Variants in H4C6 observed in about 807,000 individuals in gnomAD.
H4C6 encodes the protein histone H4.
A neutral mutation model predicts 5.7 loss-of-function variants in H4C6; 8 were observed. That is an observed-to-expected ratio of 1.41 (90% CI 0.82 to 2.54). H4C6 has a LOEUF of 2.54. Among genes scored for constraint, H4C6 ranks in the 30% most tolerant of loss-of-function variants. The pLI is 0.00. For missense variants in H4C6, 230 were observed against 145.9 expected (o/e 1.58, Z -2.97); for synonymous variants, 124 against 57.0 (o/e 2.18, Z -5.30).
rs761061104 is a variant in H4C6 at position 26,240,509 on chromosome 6, G to A, written c.84G>A (p.Gln28=). ...RHRKVLRDNI[Q]GITKPAIRRL... ...GCAAAGTGCTGCGTGACAACATACA[G>A]GGCATCACGAAGCCCGCCATCCGTC... Residue 28 remains glutamine (Q), a synonymous_variant, in exon 1 of 1, where the codon CAG becomes CAA. Coordinates refer to ENST00000244537, the MANE Select transcript of H4C6 (RefSeq NM_003540.4). The A allele has an allele frequency of 1.2e-5, 19 of 1,613,816 alleles. No homozygotes were observed. Among genetic ancestry groups the A allele is most frequent in the Non-Finnish European group, 1.6e-5 (19 of 1,179,722 alleles).
chr6:26,240,668 A>G lies in H4C6; in HGVS notation c.243A>G (p.Thr81=), dbSNP rs1354128523. Residue 81 remains threonine (T), a synonymous_variant, in exon 1 of 1, where the codon ACA becomes ACG. Coordinates refer to ENST00000244537, the MANE Select transcript of H4C6 (RefSeq NM_003540.4). ...VTYTEHAKRK[T]VTAMDVVYAL... ...ACACGGAGCACGCCAAGCGTAAGAC[A>G]GTCACTGCAATGGATGTTGTCTACG... 5 of 1,612,402 alleles carry G rather than the reference A, an allele frequency of 3.1e-6. No individual in the cohort carries two copies. The highest frequency in any genetic ancestry group is 4.2e-6 in the Non-Finnish European group (5 of 1,178,910).
Position 26,240,566 on chromosome 6 carries a change from T to TTCGGG in H4C6, c.142_146dup (p.Leu50ArgfsTer19). ...CCCGACGCGGCGGCGTGAAACGCAT[T>TTCGGG]TCGGGCCTCATTTATGAGGAGACCC... is the stretch of plus-strand genomic sequence containing the variant. On this transcript the variant is annotated frameshift_variant, in exon 1 of 1. Transcript: ENST00000244537. LOFTEE classifies it high-confidence loss of function. The TTCGGG allele has an allele frequency of 1.2e-6, 2 of 1,614,218 alleles. No individual in the cohort carries two copies. The highest frequency in any genetic ancestry group is 1.7e-6 in the Non-Finnish European group (2 of 1,180,002).
At position 26,240,408 on chromosome 6, in the gene H4C6, T is replaced by A; in HGVS notation, c.-18T>A. 1 of 1,528,090 alleles carries A rather than the reference T, an allele frequency of 6.5e-7. No homozygotes were observed. The highest frequency in any genetic ancestry group is 1.3e-5 in the South Asian group (1 of 78,070). 94.7% of individuals were successfully genotyped at this position (1,528,090 alleles called of 1,614,324 possible). A position where few individuals can be genotyped will look rare whatever the true frequency, so the allele number is the denominator to read the frequency against. On this transcript the variant is annotated 5_prime_UTR_variant, in exon 1 of 1. Coordinates refer to ENST00000244537, the MANE Select transcript of H4C6 (RefSeq NM_003540.4). The stretch of plus-strand genomic sequence containing the variant: ...TAGCAAAGTTGCAAAAGTTAAGAGT[T>A]GTTGTTTGTCTTCGATCATGTCTGG...
rs780042600 is a variant in H4C6 at position 26,240,445 on chromosome 6, G to A, written c.20G>A (p.Gly7Asp). The A allele has an allele frequency of 3.2e-6, 5 of 1,577,604 alleles. No individual in the cohort carries two copies. The highest frequency in any genetic ancestry group is 1.2e-5 in the South Asian group (1 of 86,208). Residue 7 changes from glycine (G) to aspartate (D), a missense_variant, in exon 1 of 1, where the codon GGT (glycine) becomes GAT (aspartate). Physicochemically the swap from Gly to Asp is moderately conservative, Grantham distance 94. Coordinates refer to ENST00000244537, the MANE Select transcript of H4C6 (RefSeq NM_003540.4). ...TCGATCATGTCTGGTAGAGGCAAAGGTGGTAAAGGTTTAGGAAAGGGAGGC... is the reference window on the plus strand; with the variant it reads ...TCGATCATGTCTGGTAGAGGCAAAGATGGTAAAGGTTTAGGAAAGGGAGGC... The part of the protein sequence containing the change: MSGRGK[G>D]GKGLGKGGAK...
rs765799254 is a variant in H4C6 at position 26,240,397 on chromosome 6, A to C, written c.-29A>C. ...GCTTCAGTGTGTAGCAAAGTTGCAA[A>C]AGTTAAGAGTTGTTGTTTGTCTTCG... On this transcript the variant is annotated 5_prime_UTR_variant, in exon 1 of 1. Transcript: ENST00000244537. 2 of 1,499,616 alleles carry C rather than the reference A, an allele frequency of 1.3e-6. No individual in the cohort carries two copies. Among genetic ancestry groups the C allele is most frequent in the East Asian group, 4.6e-5 (2 of 43,716 alleles). 92.9% of individuals were successfully genotyped at this position (1,499,616 alleles called of 1,614,324 possible). A position where few individuals can be genotyped will look rare whatever the true frequency, so the allele number is the denominator to read the frequency against.
rs949275441 is a variant in H4C6, at chr6:26,240,738, G to A, written c.*1G>A. 15 of 1,554,084 alleles carry A rather than the reference G, an allele frequency of 9.7e-6. No homozygotes were observed. Among genetic ancestry groups the A allele is most frequent in the East Asian group, 2.3e-5 (1 of 44,042 alleles). ...CACTCTGTACGGCTTTGGTGGCTGAGCCTCACCCCGGCTTTTTATTTAACA... is the reference window on the plus strand; with the variant it reads ...CACTCTGTACGGCTTTGGTGGCTGAACCTCACCCCGGCTTTTTATTTAACA... On this transcript the variant is annotated 3_prime_UTR_variant, in exon 1 of 1. Coordinates refer to ENST00000244537, the MANE Select transcript of H4C6 (RefSeq NM_003540.4).
chr6:26,240,561 C>T lies in H4C6; in HGVS notation c.136C>T (p.Arg46Cys). The T allele has an allele frequency of 6.2e-7, 1 of 1,614,190 alleles. No homozygotes were observed. Among genetic ancestry groups the T allele is most frequent in the Non-Finnish European group, 8.5e-7 (1 of 1,179,982 alleles). The change falls in exon 1 of 1, where the codon CGC becomes TGC. Residue 46 changes from arginine to cysteine, a missense_variant. Transcript: ENST00000244537. ...RRLARRGGVK[R>C]ISGLIYEETR... ...CTTGGCCCGACGCGGCGGCGTGAAA[C>T]GCATTTCGGGCCTCATTTATGAGGA...
In H4C6 at chr6:26,240,458, A is replaced by T. The variant is rs749218557; in HGVS notation, c.33A>T (p.Leu11Phe). The change falls in exon 1 of 1, where the codon TTA becomes TTT. Residue 11 changes from leucine to phenylalanine, a missense_variant. Leu to Phe is a conservative substitution (Grantham distance 22). Transcript: ENST00000244537. ...GTAGAGGCAAAGGTGGTAAAGGTTTAGGAAAGGGAGGCGCCAAGCGCCATC... is the reference window on the plus strand; with the variant it reads ...GTAGAGGCAAAGGTGGTAAAGGTTTTGGAAAGGGAGGCGCCAAGCGCCATC... MSGRGKGGKG[L>F]GKGGAKRHRK... is the part of the protein sequence containing the mutation. 2 of 1,590,458 alleles carry T rather than the reference A, an allele frequency of 1.3e-6. No homozygotes were observed. Among genetic ancestry groups the T allele is most frequent in the Non-Finnish European group, 1.7e-6 (2 of 1,164,982 alleles).
chr6:26,240,403 A>G lies in H4C6; in HGVS notation c.-23A>G. On this transcript the variant is annotated 5_prime_UTR_variant, in exon 1 of 1. Coordinates refer to ENST00000244537, the MANE Select transcript of H4C6 (RefSeq NM_003540.4). ...GTGTGTAGCAAAGTTGCAAAAGTTA[A>G]GAGTTGTTGTTTGTCTTCGATCATG... 2.6e-6 allele frequency: 4 copies of G among 1,523,472 alleles called. No individual in the cohort carries two copies. The highest frequency in any genetic ancestry group is 2.6e-6 in the Non-Finnish European group (3 of 1,132,908). 94.4% of individuals were successfully genotyped at this position (1,523,472 alleles called of 1,614,324 possible). A position where few individuals can be genotyped will look rare whatever the true frequency, so the allele number is the denominator to read the frequency against.
rs762560157 is a variant in H4C6, at chr6:26,240,512, C to T, written c.87C>T (p.Gly29=). The T allele has an allele frequency of 1.7e-5, 28 of 1,613,700 alleles. No individual in the cohort carries two copies. Among genetic ancestry groups the T allele is most frequent in the Middle Eastern group, 1.6e-4 (1 of 6,084 alleles). The change falls in exon 1 of 1, where the codon GGC becomes GGT. Residue 29 remains glycine (G), a synonymous_variant. Coordinates refer to ENST00000244537, the MANE Select transcript of H4C6 (RefSeq NM_003540.4). The part of the protein sequence containing the change: ...HRKVLRDNIQ[G]ITKPAIRRLA... ...AAGTGCTGCGTGACAACATACAGGGCATCACGAAGCCCGCCATCCGTCGCT... is the reference window on the plus strand; with the variant it reads ...AAGTGCTGCGTGACAACATACAGGGTATCACGAAGCCCGCCATCCGTCGCT...
At position 26,240,630 on chromosome 6, in the gene H4C6, G is replaced by T; in HGVS notation, c.205G>T (p.Asp69Tyr). 6.2e-7 allele frequency: 1 copy of T among 1,613,602 alleles called. No individual in the cohort carries two copies. Among genetic ancestry groups the T allele is most frequent in the Non-Finnish European group, 8.5e-7 (1 of 1,179,824 alleles). The change falls in exon 1 of 1, where the codon GAC becomes TAC. Residue 69 changes from aspartate (D) to tyrosine (Y), a missense_variant. Physicochemically the swap from Asp to Tyr is radical, Grantham distance 160. Coordinates refer to ENST00000244537, the MANE Select transcript of H4C6 (RefSeq NM_003540.4). ...LKVFLENVIR[D>Y]AVTYTEHAKR... is the part of the protein sequence containing the mutation. ...GGTGTTCCTGGAGAATGTGATACGG[G>T]ACGCCGTAACCTACACGGAGCACGC...
rs750896287 is a variant in H4C6, at chr6:26,240,716, T to C, written c.291T>C (p.Thr97=). Reference sequence around the variant, plus strand: ...ACGCGCTCAAGCGCCAGGGACGCACTCTGTACGGCTTTGGTGGCTGAGCCT... The same window carrying C: ...ACGCGCTCAAGCGCCAGGGACGCACCCTGTACGGCTTTGGTGGCTGAGCCT... ...VVYALKRQGR[T]LYGFGG The change falls in exon 1 of 1, where the codon ACT becomes ACC. Residue 97 remains threonine (T), a synonymous_variant. Transcript: ENST00000244537. The C allele has an allele frequency of 8.1e-6, 13 of 1,596,024 alleles. No homozygotes were observed. The highest frequency in any genetic ancestry group is 3.4e-4 in the Middle Eastern group (2 of 5,968).
rs761992161 is a variant in H4C6, at chr6:26,240,755, T to C, written c.*18T>C. 2 of 1,541,478 alleles carry C rather than the reference T, an allele frequency of 1.3e-6. No homozygotes were observed. Among genetic ancestry groups the C allele is most frequent in the Non-Finnish European group, 1.8e-6 (2 of 1,142,590 alleles). ...GTGGCTGAGCCTCACCCCGGCTTTTTATTTAACAGCTCACCCATAAAAGGC... is the reference window on the plus strand; with the variant it reads ...GTGGCTGAGCCTCACCCCGGCTTTTCATTTAACAGCTCACCCATAAAAGGC... On this transcript the variant is annotated 3_prime_UTR_variant, in exon 1 of 1. Transcript: ENST00000244537.
rs377113877 is a variant in H4C6 at position 26,240,418 on chromosome 6, C to T, written c.-8C>T. 69 of 1,536,070 alleles carry T rather than the reference C, an allele frequency of 4.5e-5. No individual in the cohort carries two copies. Among genetic ancestry groups the T allele is most frequent in the Middle Eastern group, 3.5e-4 (2 of 5,702 alleles). On this transcript the variant is annotated 5_prime_UTR_variant, in exon 1 of 1. Coordinates refer to ENST00000244537, the MANE Select transcript of H4C6 (RefSeq NM_003540.4). ...GCAAAAGTTAAGAGTTGTTGTTTGT[C>T]TTCGATCATGTCTGGTAGAGGCAAA... is the stretch of plus-strand genomic sequence containing the variant.
rs539125223 is a variant in H4C6 at position 26,240,769 on chromosome 6, C to T, written c.*32C>T. On this transcript the variant is annotated 3_prime_UTR_variant, in exon 1 of 1. Coordinates refer to ENST00000244537, the MANE Select transcript of H4C6 (RefSeq NM_003540.4). Reference sequence around the variant, plus strand: ...CCCCGGCTTTTTATTTAACAGCTCACCCATAAAAGGCCCTTTTCAGGGCCA... The same window carrying T: ...CCCCGGCTTTTTATTTAACAGCTCATCCATAAAAGGCCCTTTTCAGGGCCA... 1 of 1,521,992 alleles carries T rather than the reference C, an allele frequency of 6.6e-7. No individual in the cohort carries two copies. Among genetic ancestry groups the T allele is most frequent in the African/African-American group, 1.4e-5 (1 of 72,348 alleles). 94.3% of individuals were successfully genotyped at this position (1,521,992 alleles called of 1,614,324 possible).
In H4C6 at chr6:26,240,394, CAAA is replaced by C. The variant is rs751666031; in HGVS notation, c.-30_-28del. The C allele has an allele frequency of 5.5e-3, 8,342 of 1,514,502 alleles. 36 individuals are homozygous for C. The highest frequency in any genetic ancestry group is 6.5e-3 in the Non-Finnish European group (7,387 of 1,128,478). The allele number at this position is 1,514,502 out of a possible 1,614,324, so 93.8% of individuals were successfully genotyped here. A position where few individuals can be genotyped will look rare whatever the true frequency, so the allele number is the denominator to read the frequency against. On this transcript the variant is annotated 5_prime_UTR_variant, in exon 1 of 1. Transcript: ENST00000244537. ...GGGGCTTCAGTGTGTAGCAAAGTTG[CAAA>C]AGTTAAGAGTTGTTGTTTGTCTTCG...
rs1229194867 is a variant in H4C6 at position 26,240,621 on chromosome 6, G to A, written c.196G>A (p.Val66Met). 2.8e-5 allele frequency: 45 copies of A among 1,613,940 alleles called. No individual in the cohort carries two copies. The highest frequency in any genetic ancestry group is 3.7e-5 in the Non-Finnish European group (44 of 1,179,994). Residue 66 changes from valine (V) to methionine (M), a missense_variant, in exon 1 of 1, where the codon GTG (valine) becomes ATG (methionine). Physicochemically the swap from Val to Met is conservative, Grantham distance 21 (BLOSUM62 1). Transcript: ENST00000244537. ...RGVLKVFLEN[V>M]IRDAVTYTEH... is the part of the protein sequence containing the mutation. ...TGTTCTTAAGGTGTTCCTGGAGAAT[G>A]TGATACGGGACGCCGTAACCTACAC...
In H4C6 at chr6:26,240,539, G is replaced by C. The variant is rs758860542; in HGVS notation, c.114G>C (p.Leu38Phe). 6.2e-7 allele frequency: 1 copy of C among 1,614,142 alleles called. No individual in the cohort carries two copies. Among genetic ancestry groups the C allele is most frequent in the Non-Finnish European group, 8.5e-7 (1 of 1,179,932 alleles). The change falls in exon 1 of 1, where the codon TTG (leucine) becomes TTC (phenylalanine). Residue 38 changes from leucine to phenylalanine, a missense_variant. By Grantham distance (22) the Leu-to-Phe change is conservative (BLOSUM62 0). Transcript: ENST00000244537. The part of the protein sequence containing the change: ...QGITKPAIRR[L>F]ARRGGVKRIS... ...TCACGAAGCCCGCCATCCGTCGCTTGGCCCGACGCGGCGGCGTGAAACGCA... is the reference window on the plus strand; with the variant it reads ...TCACGAAGCCCGCCATCCGTCGCTTCGCCCGACGCGGCGGCGTGAAACGCA...
Position 26,240,521 on chromosome 6 carries a change from G to A in H4C6, c.96G>A (p.Lys32=), listed in dbSNP as rs117670320. ...VLRDNIQGIT[K]PAIRRLARRG... ...GTGACAACATACAGGGCATCACGAA[G>A]CCCGCCATCCGTCGCTTGGCCCGAC... Residue 32 remains lysine, a synonymous_variant, in exon 1 of 1, where the codon AAG becomes AAA. Coordinates refer to ENST00000244537, the MANE Select transcript of H4C6 (RefSeq NM_003540.4). The A allele has an allele frequency of 1.5e-3, 2,446 of 1,614,034 alleles. 56 individuals are homozygous for A. In the East Asian group the frequency reaches 0.035, roughly 23 times the overall value.
Sources: allele counts gnomAD v4.1 joint callset, GRCh38; gene constraint gnomAD v4.1.1; transcripts MANE v1.5; gene names NCBI Gene and HGNC (gene_info 2026-07-23, HGNC 2026-07-21).